Variants in FXN observed in about 807,000 individuals in gnomAD.
FXN encodes the protein frataxin, mitochondrial.
A neutral mutation model predicts 22.4 loss-of-function variants in FXN; 14 were observed. The observed-to-expected ratio is 0.62, with a 90% CI of 0.41 to 0.98. The LOEUF (loss-of-function observed/expected upper bound fraction) is 0.98. FXN is among the 50% of genes least tolerant of loss of function. The pLI is 0.00. For synonymous variants in FXN, 120 were observed against 114.1 expected (o/e 1.05, Z -0.33); for missense variants, 267 against 268.4 (o/e 0.99, Z 0.04).
intron 3 of FXN, among the ~76,000 whole-genome samples, chr9:69,057,767 G>A (rs1587824178): frequency 1.3e-5 from 2 of 152,048 alleles, no homozygotes. Context: ...CCTTTGTGAA[G>A]CCTTCCTAGA....
rs148163791 is a variant in FXN, at chr9:69,036,715, A to T, written c.165+768A>T. Reference sequence around the variant, plus strand: ...CATAGATAAAGTCTTCAGAACTTCAAATTAGTTCCCCTTTCTTCCTTTGGG... The same window carrying T: ...CATAGATAAAGTCTTCAGAACTTCATATTAGTTCCCCTTTCTTCCTTTGGG... On this transcript the variant is annotated intron_variant, in intron 1 of 4. Transcript: ENST00000484259. Among the ~76,000 whole-genome samples the T allele has an allele frequency of 2.0e-3, 306 of 152,324 alleles. 2 individuals are homozygous for T. Among genetic ancestry groups the T allele is most frequent in the African/African-American group, 6.9e-3 (286 of 41,570 alleles).
intron 3 of FXN, among the ~76,000 whole-genome samples, chr9:69,062,935 G>T (rs1338128026): frequency 6.6e-6 from 1 of 151,860 alleles, no homozygotes; most frequent in Non-Finnish European, 1.5e-5. Flanking sequence ...GCTCACACCT[G>T]TAACATAATC....
chr9:69,078,643 T>G lies in FXN; in HGVS notation c.*5881T>G, dbSNP rs1172545127. 1.1e-5 allele frequency: 11 copies of G among 985,332 alleles called. No individual in the cohort carries two copies. Among genetic ancestry groups the G allele is most frequent in the Non-Finnish European group, 1.2e-5 (10 of 829,996 alleles). The allele number at this position is 985,332 out of a possible 1,614,324, so 61.0% of individuals were successfully genotyped here. On this transcript the variant is annotated 3_prime_UTR_variant, in exon 5 of 5. Transcript: ENST00000484259. ...ACCCCCTCACACTCAACACTTTGAC[T>G]CCAGCAATCCCAAATCCCCAGATCC...
chr9:69,076,084 C>T lies in FXN; in HGVS notation c.*3322C>T, dbSNP rs1832361966. 1 of 984,554 alleles carries T rather than the reference C, an allele frequency of 1.0e-6. No individual in the cohort carries two copies. Among genetic ancestry groups the T allele is most frequent in the Non-Finnish European group, 1.2e-6 (1 of 829,196 alleles). 61.0% of individuals were successfully genotyped at this position (984,554 alleles called of 1,614,324 possible). A position where few individuals can be genotyped will look rare whatever the true frequency, so the allele number is the denominator to read the frequency against. ...TAGAAAATAAAATGTTCTGGCATGA[C>T]TTATTTAGCTCTCTGGAATTACAAA... On this transcript the variant is annotated 3_prime_UTR_variant, in exon 5 of 5. Coordinates refer to ENST00000484259, the MANE Select transcript of FXN (RefSeq NM_000144.5).
intron 1 of FXN, among the ~76,000 whole-genome samples, chr9:69,039,961 C>G (rs994704783): frequency 6.6e-6 from 1 of 152,066 alleles, no homozygotes; most frequent in Non-Finnish European, 1.5e-5. Context: ...TTTTTCTTTT[C>G]TTATAAAGCC....
rs1472425010 is a variant in FXN at position 69,048,097 on chromosome 9, C to G, written c.263+1615C>G. 3.9e-5 allele frequency among the ~76,000 whole-genome samples: 6 copies of G among 152,194 alleles called. No homozygotes were observed. In the East Asian group the frequency reaches 1.2e-3, roughly 29 times the overall value. On this transcript the variant is annotated intron_variant, in intron 2 of 4. Coordinates refer to ENST00000484259, the MANE Select transcript of FXN (RefSeq NM_000144.5). ...TTCACTTTCAGGCAGTCCCATGTGC[C>G]AGGAACCACATCCAAATTTCCTCCG...
Position 69,053,471 on chromosome 9 carries a change from A to AGATGGATG in FXN, c.384+243_384+250dup, listed in dbSNP as rs58150402. On this transcript the variant is annotated intron_variant, in intron 3 of 4. Coordinates refer to ENST00000484259, the MANE Select transcript of FXN (RefSeq NM_000144.5). ...GGGTGACAGAGCGAGACTCTGTCAT[A>AGATGGATG]GATGGATGGATGGATGGATGGATGG... Among the ~76,000 whole-genome samples, 978 of 140,340 alleles carry AGATGGATG rather than the reference A, an allele frequency of 7.0e-3. 8 individuals carry two copies. Among genetic ancestry groups the AGATGGATG allele is most frequent in the African/African-American group, 0.012 (438 of 35,574 alleles). 92.1% of individuals were successfully genotyped at this position (140,340 alleles called of 152,430 possible).
intron 1 of FXN, among the ~76,000 whole-genome samples, chr9:69,039,576 G>A (rs1831619242): frequency 6.6e-6 from 1 of 152,154 alleles, no homozygotes; most frequent in African/African-American, 2.4e-5. Flanking sequence ...GTTTTTTGAT[G>A]GAGGGATGTG....
Position 69,078,754 on chromosome 9 carries a change from T to C in FXN, c.*5992T>C. On this transcript the variant is annotated 3_prime_UTR_variant, in exon 5 of 5. Transcript: ENST00000484259. Reference sequence around the variant, plus strand: ...GGTCTTTATTCCCCACATCTCTGCCTGGGGGGTAGATTCTACCCTGAAAAA... The same window carrying C: ...GGTCTTTATTCCCCACATCTCTGCCCGGGGGGTAGATTCTACCCTGAAAAA... 2 of 985,598 alleles carry C rather than the reference T, an allele frequency of 2.0e-6. No homozygotes were observed. The highest frequency in any genetic ancestry group is 2.4e-6 in the Non-Finnish European group (2 of 830,008). 61.1% of individuals were successfully genotyped at this position (985,598 alleles called of 1,614,324 possible). A position where few individuals can be genotyped will look rare whatever the true frequency, so the allele number is the denominator to read the frequency against.
rs920882286 is a variant in FXN, at chr9:69,078,781, G to A, written c.*6019G>A. 1.0e-6 allele frequency: 1 copy of A among 985,528 alleles called. No homozygotes were observed. Among genetic ancestry groups the A allele is most frequent in the African/African-American group, 1.7e-5 (1 of 57,304 alleles). The allele number at this position is 985,528 out of a possible 1,614,324, so 61.0% of individuals were successfully genotyped here. On this transcript the variant is annotated 3_prime_UTR_variant, in exon 5 of 5. Transcript: ENST00000484259. ...GGGGGTAGATTCTACCCTGAAAAAT[G>A]TTCTTGGCACAGCCTTGCAAACTCC... is the stretch of plus-strand genomic sequence containing the variant.
intron 3 of FXN, among the ~76,000 whole-genome samples, chr9:69,059,695 T>A (rs1283942865): frequency 2.4e-4 from 36 of 152,066 alleles, no homozygotes; most frequent in Admixed American, 2.3e-3. Flanking sequence ...TGTGAGTCAC[T>A]GTTCCTGGCC....
At chr9:69,052,434 G>A (rs1322802263) in intron 2 of FXN, among the ~76,000 whole-genome samples, 2 of 152,142 alleles carry the variant, frequency 1.3e-5, no homozygotes, top group Middle Eastern at 3.4e-3. Flanking sequence ...GATTACAGAC[G>A]TGAGCCACTG....
chr9:69,038,430 AT>A (rs1831600862), intron 1 of FXN, among the ~76,000 whole-genome samples: 1 of 152,060 alleles, frequency 6.6e-6, no homozygotes, highest in Non-Finnish European at 1.5e-5. Context: ...ATAATTCTAC[AT>A]TTTCTAGTTA....
At chr9:69,048,950 G>A (rs953250001) in intron 2 of FXN, among the ~76,000 whole-genome samples, 2 of 152,192 alleles carry the variant, frequency 1.3e-5, no homozygotes, top group African/African-American at 4.8e-5. Flanking sequence ...GCATGTTTGA[G>A]GTTTTTGCTT....
rs1369095434 is a variant in FXN, at chr9:69,076,358, C to T, written c.*3596C>T. ...CATGCATAGCATAATTTCATATTCA[C>T]ATTGGAGGACTTCTCCCAAAATATG... is the stretch of plus-strand genomic sequence containing the variant. On this transcript the variant is annotated 3_prime_UTR_variant, in exon 5 of 5. Transcript: ENST00000484259. The T allele has an allele frequency of 1.0e-6, 1 of 985,184 alleles. No homozygotes were observed. Among genetic ancestry groups the T allele is most frequent in the Admixed American group, 6.2e-5 (1 of 16,252 alleles). The allele number at this position is 985,184 out of a possible 1,614,324, so 61.0% of individuals were successfully genotyped here. A position where few individuals can be genotyped will look rare whatever the true frequency, so the allele number is the denominator to read the frequency against.
Position 69,035,943 on chromosome 9 carries a change from G to A in FXN, c.161G>A (p.Arg54His), listed in dbSNP as rs979225932. Residue 54 changes from arginine to histidine, a missense_variant, in exon 1 of 5, where the codon CGC (arginine) becomes CAC (histidine). Arg to His is a conservative substitution (Grantham distance 29). Transcript: ENST00000484259. ...TDIDATCTPRRASSNQRGLNQ... is the reference protein window; with the variant it reads ...TDIDATCTPRHASSNQRGLNQ... The stretch of plus-strand genomic sequence containing the variant: ...ATCGATGCGACCTGCACGCCCCGCC[G>A]CGCAGTAAGTATCCGCGCCGGGAAC... 1.4e-6 allele frequency: 2 copies of A among 1,443,946 alleles called. No homozygotes were observed. Among genetic ancestry groups the A allele is most frequent in the Non-Finnish European group, 1.8e-6 (2 of 1,101,594 alleles). The allele number at this position is 1,443,946 out of a possible 1,614,324, so 89.4% of individuals were successfully genotyped here.
At chr9:69,037,284 A>AAAAAAAAAAAAAAAGAAGAAG (rs544093183) in intron 1 of FXN, among the ~76,000 whole-genome samples, 36 of 78,040 alleles carry the variant, frequency 4.6e-4, no homozygotes, top group East Asian at 9.3e-4. Flanking sequence ...AAAAAAAAAA[A>AAAAAAAAAAAAAAAGAAGAAG]AAGAAGAAGA....
Position 69,072,762 on chromosome 9 carries a change from A to G in FXN, c.633A>G (p.Ter211TrpextTer6). The G allele has an allele frequency of 6.2e-7, 1 of 1,614,190 alleles. No homozygotes were observed. The highest frequency in any genetic ancestry group is 8.5e-7 in the Non-Finnish European group (1 of 1,180,020). ...SSLAYSGKDA[*>W] is the part of the protein sequence containing the mutation. ...TGGCCTATTCCGGAAAAGATGCTTG[A>G]TGCCCAGCCCCGTTTTAAGGACATT... is the stretch of plus-strand genomic sequence containing the variant. The change falls in exon 5 of 5, where the codon TGA (stop) becomes TGG (tryptophan). Residue 211 changes from the stop codon to tryptophan (W), a stop_lost. Transcript: ENST00000484259.
chr9:69,035,776 G>A lies in FXN; in HGVS notation c.-7G>A, dbSNP rs145006100. ...GAGGGCGGAGCGGGCGGCAGACCCG[G>A]AGCAGCATGTGGACTCTCGGGCGCC... is the stretch of plus-strand genomic sequence containing the variant. On this transcript the variant is annotated 5_prime_UTR_variant, in exon 1 of 5. Coordinates refer to ENST00000484259, the MANE Select transcript of FXN (RefSeq NM_000144.5). 42,839 of 1,503,062 alleles carry A rather than the reference G, an allele frequency of 0.029. 744 individuals are homozygous for A. Among genetic ancestry groups the A allele is most frequent in the Non-Finnish European group, 0.034 (38,163 of 1,131,818 alleles). The allele number at this position is 1,503,062 out of a possible 1,614,324, so 93.1% of individuals were successfully genotyped here.
Sources: allele counts gnomAD v4.1 joint callset (sites outside exome capture counted in the v4.1 genomes callset), GRCh38; gene constraint gnomAD v4.1.1; transcripts MANE v1.5; gene names NCBI Gene and HGNC (gene_info 2026-07-23, HGNC 2026-07-21).